Variants in NCOA1 observed in about 807,000 individuals in gnomAD.
NCOA1 encodes Hin-2 protein.
Under a neutral mutation model 150.9 loss-of-function variants are expected in NCOA1, and 35 were observed. The ratio of observed to expected loss-of-function variants is 0.23; its 90% CI spans 0.18 to 0.31. The LOEUF is 0.31. Ranked by LOEUF, NCOA1 falls within the 10% of genes least tolerant of loss-of-function variation. The pLI is 1.00. For synonymous variants in NCOA1, 590 were observed against 630.0 expected (o/e 0.94, Z 0.95); for missense variants, 1,491 against 1,749.3 (o/e 0.85, Z 2.63).
At chr2:24,555,327 A>T (rs1666028389) in intron 1 of NCOA1, among the ~76,000 whole-genome samples, 1 of 152,260 alleles carries the variant, frequency 6.6e-6, no homozygotes, top group African/African-American at 2.4e-5. Flanking sequence ...GAAAAAATAC[A>T]TTATTTGATT....
intron 2 of NCOA1, among the ~76,000 whole-genome samples, chr2:24,573,214 C>CA: frequency 6.6e-6 from 1 of 152,098 alleles, no homozygotes; most frequent in East Asian, 1.9e-4. Context: ...ATGAGAAAAA[C>CA]AAAAATGTAA....
At chr2:24,638,451 A>G (rs1319340075) in intron 3 of NCOA1, among the ~76,000 whole-genome samples, 2 of 152,106 alleles carry the variant, frequency 1.3e-5, no homozygotes, top group African/African-American at 4.8e-5. Context: ...ATGGTAGTGC[A>G]GACGTCTCTT....
intron 1 of NCOA1, among the ~76,000 whole-genome samples, chr2:24,516,924 G>A (rs1457614589): frequency 2.2e-4 from 9 of 41,354 alleles, no homozygotes; most frequent in Admixed American, 9.1e-4. Context: ...GTGTGTGTGC[G>A]CGCGTGTGTA....
At chr2:24,694,657 T>A (rs1469905560) in intron 10 of NCOA1, among the ~76,000 whole-genome samples, 1 of 152,142 alleles carries the variant, frequency 6.6e-6, no homozygotes, top group Non-Finnish European at 1.5e-5. Context: ...AGATGGCATC[T>A]AAGGATAGTA....
chr2:24,691,493 C>T lies in NCOA1; in HGVS notation c.545C>T (p.Pro182Leu). The T allele has an allele frequency of 6.2e-7, 1 of 1,613,662 alleles. No individual in the cohort carries two copies. Among genetic ancestry groups the T allele is most frequent in the Non-Finnish European group, 8.5e-7 (1 of 1,179,834 alleles). The change falls in exon 9 of 23, where the codon CCT (proline) becomes CTT (leucine). Residue 182 changes from proline (P) to leucine (L), a missense_variant. Physicochemically the swap from Pro to Leu is moderately conservative, Grantham distance 98. This residue lies in a region of NCOA1 where 99 missense variants were observed against 122.8 expected (regional missense o/e 0.81). Transcript: ENST00000348332. ...LLPKSLVNGVPWPQEATRRNS... is the reference protein window; with the variant it reads ...LLPKSLVNGVLWPQEATRRNS... ...TTTTCTTCCTCAGTAAATGGAGTTC[C>T]TTGGCCTCAAGAGGCAACACGACGA...
At chr2:24,554,992 C>T (rs982261636) in intron 1 of NCOA1, among the ~76,000 whole-genome samples, 1 of 151,984 alleles carries the variant, frequency 6.6e-6, no homozygotes, top group Non-Finnish European at 1.5e-5. Flanking sequence ...AGTTTGTCAT[C>T]TCACACCAGG....
At chr2:24,723,701 C>T (rs1319095265) in intron 14 of NCOA1, among the ~76,000 whole-genome samples, 3 of 152,014 alleles carry the variant, frequency 2.0e-5, no homozygotes, top group Non-Finnish European at 4.4e-5. Context: ...CATTTATGTT[C>T]ATATTCTCTA....
intron 1 of NCOA1, among the ~76,000 whole-genome samples, chr2:24,499,502 C>T (rs1663364158): frequency 6.6e-6 from 1 of 151,978 alleles, no homozygotes; most frequent in African/African-American, 2.4e-5. Context: ...ACTTCTTTTC[C>T]ATTTTATCTT....
chr2:24,495,406 A>G (rs1572344571), intron 1 of NCOA1, among the ~76,000 whole-genome samples: 1 of 152,140 alleles, frequency 6.6e-6, no homozygotes, highest in Non-Finnish European at 1.5e-5. Context: ...GCTTATGCCA[A>G]AATAGAAGCT....
chr2:24,552,354 T>TATATATATATATATATATA (rs1491126634), intron 1 of NCOA1, among the ~76,000 whole-genome samples: 2 of 34,378 alleles, frequency 5.8e-5, no homozygotes, highest in Non-Finnish European at 9.4e-5. Context: ...TATATATATA[T>TATATATATATATATATATA]TTTTTTTTTT....
chr2:24,767,628 G>A (rs760144742), intron 22 of NCOA1: 1 of 153,898 alleles, frequency 6.5e-6, no homozygotes, highest in Non-Finnish European at 1.4e-5. Context: ...AGTCAAATAT[G>A]AAATTGTTCT....
At chr2:24,758,196 A>G in intron 21 of NCOA1, 40 bp downstream of exon 21, 5 of 1,551,322 alleles carry the variant, frequency 3.2e-6, no homozygotes, top group Non-Finnish European at 4.4e-6. Context: ...ACACCACATC[A>G]CAGTTAATTC....
intron 18 of NCOA1, among the ~76,000 whole-genome samples, chr2:24,741,583 G>A (rs1663603279): frequency 6.6e-6 from 1 of 152,140 alleles, no homozygotes; most frequent in South Asian, 2.1e-4. Context: ...CTTTTAATCT[G>A]TAAAATATAC....
chr2:24,543,745 G>A (rs1261677560), intron 1 of NCOA1, among the ~76,000 whole-genome samples: 2 of 152,172 alleles, frequency 1.3e-5, no homozygotes, highest in Non-Finnish European at 1.5e-5. Flanking sequence ...AGGGCATAAA[G>A]TGAGAGAAGG....
intron 2 of NCOA1, among the ~76,000 whole-genome samples, chr2:24,566,671 A>C (rs1012041367): frequency 2.0e-5 from 3 of 152,160 alleles, no homozygotes; most frequent in Non-Finnish European, 4.4e-5. Flanking sequence ...CCAGAAGTCT[A>C]TCTGCCTCCT....
chr2:24,604,094 C>CAGT (rs1668249975), intron 3 of NCOA1, among the ~76,000 whole-genome samples: 1 of 152,156 alleles, frequency 6.6e-6, no homozygotes, highest in African/African-American at 2.4e-5. Flanking sequence ...TGTGAATGAG[C>CAGT]AGTAATATTT....
chr2:24,707,624 T>G lies in NCOA1; in HGVS notation c.2154T>G (p.Ser718=). Residue 718 remains serine, a synonymous_variant, in exon 13 of 23, where the codon TCT becomes TCG. Transcript: ENST00000348332. The part of the protein sequence containing the change: ...EPDKKDSAST[S]VSVTGQVQGN... ...ATAAAAAGGACAGTGCATCTACTTCTGTGTCAGTGACTGGACAGGTACAAG... is the reference window on the plus strand; with the variant it reads ...ATAAAAAGGACAGTGCATCTACTTCGGTGTCAGTGACTGGACAGGTACAAG... 10 of 1,614,230 alleles carry G rather than the reference T, an allele frequency of 6.2e-6. No homozygotes were observed. The highest frequency in any genetic ancestry group is 8.5e-6 in the Non-Finnish European group (10 of 1,180,028).
chr2:24,594,803 T>C (rs547066132), intron 3 of NCOA1, among the ~76,000 whole-genome samples: 1 of 152,250 alleles, frequency 6.6e-6, no homozygotes, highest in Non-Finnish European at 1.5e-5. Flanking sequence ...TTCAACATAC[T>C]TAACCAATCT....
intron 17 of NCOA1, among the ~76,000 whole-genome samples, chr2:24,737,628 C>T (rs1425587242): frequency 2.0e-5 from 3 of 152,176 alleles, no homozygotes; most frequent in Non-Finnish European, 2.9e-5. Context: ...TGCCACCTTG[C>T]ATTCTCATCC....
Sources: gnomAD v4.1 joint callset for allele counts (sites outside exome capture counted in the v4.1 genomes callset) on GRCh38, gnomAD v4.1.1 for gene constraint, gnomAD v4.1.1 regional missense constraint, MANE v1.5 for transcripts, NCBI Gene and HGNC (gene_info 2026-07-23, HGNC 2026-07-21) for gene names.